The following CPQ variants were observed in gnomAD, a reference collection of about 807,000 sequenced individuals.
CPQ encodes the protein carboxypeptidase Q.
CPQ carries 37 observed loss-of-function variants against 45.7 expected under a neutral mutation model. The observed-to-expected ratio is 0.81, with a 90% CI of 0.62 to 1.07. The LOEUF (loss-of-function observed/expected upper bound fraction) is 1.07. Ranked by LOEUF, CPQ falls within the 50% of genes least tolerant of loss-of-function variation. The probability of loss-of-function intolerance (pLI) is 0.00; values close to 1 mark genes in which losing one functional copy is unlikely to be tolerated. For missense variants in CPQ, 537 were observed against 572.9 expected (o/e 0.94, Z 0.64); for synonymous variants, 186 against 205.8 (o/e 0.90, Z 0.82).
At chr8:96,799,199 A>G (rs1177424857) in intron 2 of CPQ, among the ~76,000 whole-genome samples, 1 of 152,188 alleles carries the variant, frequency 6.6e-6, no homozygotes, top group African/African-American at 2.4e-5. Context: ...TCTTTCTGGA[A>G]ACTTAAGCAG....
In CPQ at chr8:96,950,398, T is replaced by C. The variant is rs369888576; in HGVS notation, c.850-15537T>C. Among the ~76,000 whole-genome samples, 9 of 152,258 alleles carry C rather than the reference T, an allele frequency of 5.9e-5. No homozygotes were observed. The East Asian group carries it at 1.2e-3, about 20-fold the overall frequency. ...ACTCAGATTGATTTATTGACCCTGC[T>C]GTATGCCAGGCCTTGTGAGGAATAC... On this transcript the variant is annotated intron_variant, in intron 4 of 7. Transcript: ENST00000220763.
chr8:96,788,163 CT>C (rs546288408), intron 2 of CPQ, among the ~76,000 whole-genome samples: 1,767 of 140,068 alleles, frequency 0.013, 37 homozygotes, highest in African/African-American at 0.038. Context: ...TTCTTTCTTC[CT>C]TTTTTTTTTT....
intron 2 of CPQ, among the ~76,000 whole-genome samples, chr8:96,830,113 A>C (rs1428308018): frequency 6.6e-6 from 1 of 152,142 alleles, no homozygotes; most frequent in East Asian, 1.9e-4. Context: ...TGCACACATT[A>C]GAAGATTATG....
chr8:96,872,239 A>AT, intron 3 of CPQ, among the ~76,000 whole-genome samples: 1 of 151,910 alleles, frequency 6.6e-6, no homozygotes, highest in Non-Finnish European at 1.5e-5. Context: ...CCTAAAGGTA[A>AT]TTTTATGAAA....
chr8:96,802,886 A>G (rs1175388096), intron 2 of CPQ, among the ~76,000 whole-genome samples: 1 of 152,158 alleles, frequency 6.6e-6, no homozygotes, highest in South Asian at 2.1e-4. Context: ...CTTACCCTTC[A>G]TAAGAATTAT....
intron 1 of CPQ, among the ~76,000 whole-genome samples, chr8:96,711,840 C>G (rs1809612021): frequency 6.6e-6 from 1 of 152,124 alleles, no homozygotes. Context: ...TATTTCAAAA[C>G]ACAATCATGC....
intron 7 of CPQ, among the ~76,000 whole-genome samples, chr8:97,120,286 C>T (rs745933953): frequency 2.6e-4 from 39 of 151,738 alleles, no homozygotes; most frequent in Non-Finnish European, 4.7e-4. Context: ...CTATACCCAA[C>T]TCCAGATTTA....
chr8:96,999,090 G>C (rs913562770), intron 5 of CPQ, among the ~76,000 whole-genome samples: 1 of 151,846 alleles, frequency 6.6e-6, no homozygotes, highest in East Asian at 1.9e-4. Flanking sequence ...TTACAGATGA[G>C]GAACCTGAGG....
intron 5 of CPQ, among the ~76,000 whole-genome samples, chr8:96,989,733 TC>T (rs956850525): frequency 6.6e-6 from 1 of 152,068 alleles, no homozygotes; most frequent in Non-Finnish European, 1.5e-5. Flanking sequence ...GTTCTCTGTC[TC>T]CCCCTGAACC....
At chr8:97,049,326 A>T (rs909456429) in intron 6 of CPQ, among the ~76,000 whole-genome samples, 1 of 152,228 alleles carries the variant, frequency 6.6e-6, no homozygotes, top group Non-Finnish European at 1.5e-5. Flanking sequence ...TGAGTACATT[A>T]TTACTGAGAA....
chr8:96,725,531 G>A (rs956810163), intron 1 of CPQ, among the ~76,000 whole-genome samples: 4 of 152,136 alleles, frequency 2.6e-5, no homozygotes, highest in Non-Finnish European at 5.9e-5. Flanking sequence ...AAAGCACGAT[G>A]AAATACCATC....
intron 1 of CPQ, among the ~76,000 whole-genome samples, chr8:96,759,062 C>T (rs1453422563): frequency 1.3e-5 from 2 of 152,122 alleles, no homozygotes; most frequent in East Asian, 1.9e-4. Flanking sequence ...GGAACTCAGA[C>T]GTCTTCTATG....
At chr8:96,727,769 G>T (rs1425196083) in intron 1 of CPQ, among the ~76,000 whole-genome samples, 2 of 152,112 alleles carry the variant, frequency 1.3e-5, no homozygotes, top group Non-Finnish European at 2.9e-5. Flanking sequence ...ACACTATCAG[G>T]AGCAGTGGGA....
chr8:96,877,021 C>A (rs570019197), intron 3 of CPQ, among the ~76,000 whole-genome samples: 3 of 152,174 alleles, frequency 2.0e-5, no homozygotes, highest in African/African-American at 7.2e-5. Flanking sequence ...ATCTTTAAAT[C>A]TTATTTAGAT....
At chr8:97,048,740 C>G (rs536600413) in intron 6 of CPQ, among the ~76,000 whole-genome samples, 11 of 152,234 alleles carry the variant, frequency 7.2e-5, no homozygotes, top group African/African-American at 2.2e-4. Flanking sequence ...AGAGGTGGAA[C>G]GGAAAATGAG....
At chr8:96,801,205 G>T (rs562413805) in intron 2 of CPQ, among the ~76,000 whole-genome samples, 1 of 152,158 alleles carries the variant, frequency 6.6e-6, no homozygotes, top group South Asian at 2.1e-4. Context: ...TCGAACTCCC[G>T]ACATCAGGTG....
At chr8:96,717,524 G>A (rs186720497) in intron 1 of CPQ, among the ~76,000 whole-genome samples, 3 of 152,008 alleles carry the variant, frequency 2.0e-5, no homozygotes, top group South Asian at 2.1e-4. Context: ...TATTCTTTTC[G>A]CTTAGCCTTG....
chr8:96,899,575 C>G (rs1446564198), intron 4 of CPQ, among the ~76,000 whole-genome samples: 3 of 152,074 alleles, frequency 2.0e-5, no homozygotes, highest in Non-Finnish European at 4.4e-5. Context: ...AAGCAGGCAA[C>G]TCACGTGGCG....
At chr8:96,709,417 A>G (rs1809578465) in intron 1 of CPQ, among the ~76,000 whole-genome samples, 1 of 149,996 alleles carries the variant, frequency 6.7e-6, no homozygotes, top group Non-Finnish European at 1.5e-5. Flanking sequence ...GTTGCTTCAA[A>G]GTACATTAGT....
Sources: gnomAD v4.1 joint callset for allele counts (sites outside exome capture counted in the v4.1 genomes callset) on GRCh38, gnomAD v4.1.1 for gene constraint, MANE v1.5 for transcripts, NCBI Gene and HGNC (gene_info 2026-07-23, HGNC 2026-07-21) for gene names.